CASP2: variants seen among roughly 807,000 people sequenced by gnomAD.
The protein encoded by CASP2 is caspase-2.
Under a neutral mutation model 54.4 loss-of-function variants are expected in CASP2, and 38 were observed. The ratio of observed to expected loss-of-function variants is 0.70; its 90% CI spans 0.54 to 0.92. The LOEUF is 0.92. Ranked by LOEUF, CASP2 falls within the 40% of genes least tolerant of loss-of-function variation. The pLI is 0.00. For synonymous variants in CASP2, 215 were observed against 216.3 expected (o/e 0.99, Z 0.05); for missense variants, 512 against 579.6 (o/e 0.88, Z 1.20).
Position 143,304,759 on chromosome 7 carries a change from G to C in CASP2, c.1203G>C (p.Met401Ile). The change falls in exon 10 of 11, where the codon ATG becomes ATC. Residue 401 changes from methionine (M) to isoleucine (I), a missense_variant. Coordinates refer to ENST00000310447, the MANE Select transcript of CASP2 (RefSeq NM_032982.4). The part of the protein sequence containing the change: ...AQVFSERACD[M>I]HVADMLVKVN... The stretch of plus-strand genomic sequence containing the variant: ...TGTTTTCTGAGCGGGCTTGTGATAT[G>C]CACGTGGCCGACATGCTGGTTAAGG... 1 of 1,614,176 alleles carries C rather than the reference G, an allele frequency of 6.2e-7. No homozygotes were observed. Among genetic ancestry groups the C allele is most frequent in the Non-Finnish European group, 8.5e-7 (1 of 1,180,004 alleles).
rs765307228 is a variant in CASP2 at position 143,292,690 on chromosome 7, T to G, written c.467T>G (p.Leu156Arg). The G allele has an allele frequency of 6.2e-7, 1 of 1,612,194 alleles. No individual in the cohort carries two copies. The highest frequency in any genetic ancestry group is 8.5e-7 in the Non-Finnish European group (1 of 1,179,720). The change falls in exon 4 of 11, where the codon CTG (leucine) becomes CGG (arginine). Residue 156 changes from leucine (L) to arginine (R), a missense_variant. Leu to Arg is a moderately radical substitution (Grantham distance 102). Transcript: ENST00000310447. Reference sequence around the variant, plus strand: ...TGTCCCCTTTACAAGAAGCTCCGCCTGTCGACAGGTGAGAATTGATGGACT... The same window carrying G: ...TGTCCCCTTTACAAGAAGCTCCGCCGGTCGACAGGTGAGAATTGATGGACT... The part of the protein sequence containing the change: ...ESCPLYKKLR[L>R]STDTVEHSLD...
At position 143,294,314 on chromosome 7, in the gene CASP2, A is replaced by C; in HGVS notation, c.560A>C (p.His187Pro). The C allele has an allele frequency of 6.2e-7, 1 of 1,606,282 alleles. No individual in the cohort carries two copies. The highest frequency in any genetic ancestry group is 8.5e-7 in the Non-Finnish European group (1 of 1,172,990). ...KPCTPEFYQT[H>P]FQLAYRLQSR... ...TGCACTCCTGAATTTTATCAAACACACTTCCAGCTGGTGAGTTTTTGCATA... is the reference window on the plus strand; with the variant it reads ...TGCACTCCTGAATTTTATCAAACACCCTTCCAGCTGGTGAGTTTTTGCATA... Residue 187 changes from histidine to proline, a missense_variant, in exon 5 of 11, where the codon CAC (histidine) becomes CCC (proline). By Grantham distance (77) the His-to-Pro change is moderately conservative. Coordinates refer to ENST00000310447, the MANE Select transcript of CASP2 (RefSeq NM_032982.4).
chr7:143,292,564 T>G, intron 3 of CASP2, 53 bp from the exon 4 acceptor site: 1 of 1,605,862 alleles, frequency 6.2e-7, no homozygotes, highest in South Asian at 1.1e-5. Flanking sequence ...TTGTTGTATT[T>G]GGACCGGACC....
Position 143,288,399 on chromosome 7 carries a change from C to T in CASP2, c.-57C>T, listed in dbSNP as rs912310388. On this transcript the variant is annotated 5_prime_UTR_variant, in exon 1 of 11. Coordinates refer to ENST00000310447, the MANE Select transcript of CASP2 (RefSeq NM_032982.4). ...GGAGGGATGTGGGGGAAGCGACGGC[C>T]CCCGGTTTGTTTGGGCTGTGGGCGG... 1.7e-5 allele frequency: 27 copies of T among 1,558,848 alleles called. No individual in the cohort carries two copies. Among genetic ancestry groups the T allele is most frequent in the East Asian group, 4.5e-5 (2 of 44,336 alleles).
Position 143,303,587 on chromosome 7 carries a change from C to T in CASP2, c.968-197C>T, listed in dbSNP as rs999374710. The T allele has an allele frequency of 7.7e-6, 4 of 522,070 alleles. No individual in the cohort carries two copies. The Admixed American group carries it at 1.3e-4, about 16-fold the overall frequency. The allele number at this position is 522,070 out of a possible 1,614,324, so 32.3% of individuals were successfully genotyped here. On this transcript the variant is annotated intron_variant, in intron 8 of 10. Coordinates refer to ENST00000310447, the MANE Select transcript of CASP2 (RefSeq NM_032982.4). ...TGGTGCCCGGTGTGTATGAGGCATC[C>T]CCTGAGTAACAGATGCATGCTGAGA...
intron 4 of CASP2, chr7:143,293,114 GT>G (rs11287848): frequency 0.31 from 166,652 of 546,362 alleles, 8,453 homozygotes; most frequent in African/African-American, 0.55. Flanking sequence ...CCTTTTTTTT[GT>G]TTTTTTTTTT....
In CASP2 at chr7:143,288,397, GC is replaced by G. The variant is rs1699576477; in HGVS notation, c.-54del. ...GGGGAGGGATGTGGGGGAAGCGACG[GC>G]CCCCGGTTTGTTTGGGCTGTGGGCG... On this transcript the variant is annotated 5_prime_UTR_variant, in exon 1 of 11. Transcript: ENST00000310447. The G allele has an allele frequency of 1.3e-6, 2 of 1,547,734 alleles. No homozygotes were observed. The highest frequency in any genetic ancestry group is 1.8e-6 in the Non-Finnish European group (2 of 1,125,250).
intron 4 of CASP2, among the ~76,000 whole-genome samples, chr7:143,293,910 A>G (rs536627900): frequency 6.6e-6 from 1 of 152,324 alleles, no homozygotes; most frequent in African/African-American, 2.4e-5. Context: ...GGCCTCTAAA[A>G]AGCTGAATAA....
intron 10 of CASP2, 55 bp downstream of exon 10, chr7:143,304,838 C>T (rs1187115422): frequency 6.2e-7 from 1 of 1,605,952 alleles, no homozygotes; most frequent in South Asian, 1.1e-5. Flanking sequence ...CTACTTTCCT[C>T]CTCTCTTGAA....
intron 4 of CASP2, chr7:143,293,143 T>C (rs1801635440): frequency 3.0e-6 from 2 of 663,276 alleles, no homozygotes; most frequent in Non-Finnish European, 5.3e-6. Context: ...GTGTTTTTTT[T>C]CAGAAATAGG....
chr7:143,304,937 C>T lies in CASP2; in HGVS notation c.1228-3C>T, dbSNP rs1017292975. ...CTTGGGCCTATTGGTTCTGCCCCTC[C>T]AGGTGAACGCACTTATCAAGGATCG... On this transcript the variant is annotated splice_polypyrimidine_tract_variant and splice_region_variant and intron_variant, in intron 10 of 10. Coordinates refer to ENST00000310447, the MANE Select transcript of CASP2 (RefSeq NM_032982.4). 3.7e-6 allele frequency: 6 copies of T among 1,614,222 alleles called. No homozygotes were observed. The highest frequency in any genetic ancestry group is 5.1e-6 in the Non-Finnish European group (6 of 1,180,036).
intron 2 of CASP2, 121 bp downstream of exon 2, chr7:143,291,811 C>G: frequency 3.0e-6 from 2 of 659,382 alleles, no homozygotes; most frequent in South Asian, 1.7e-5. Context: ...GAGACAGAGT[C>G]TCTGTCTCCC....
At chr7:143,292,594 T>C in intron 3 of CASP2, 23 bp from the exon 4 acceptor site, 2 of 1,612,254 alleles carry the variant, frequency 1.2e-6, no homozygotes, top group Admixed American at 1.7e-5. Context: ...AGGTCTGTCA[T>C]CATGAGTTTT....
chr7:143,301,279 C>T (rs915422735), intron 8 of CASP2: 1 of 151,862 alleles, frequency 6.6e-6, no homozygotes, highest in African/African-American at 2.4e-5. Context: ...CTTTTTTAAT[C>T]TCTCATGTGG....
intron 4 of CASP2, chr7:143,293,121 TTTTTTTTTGTTGTG>T: frequency 1.5e-6 from 1 of 650,380 alleles, no homozygotes. Flanking sequence ...TTTGTTTTTT[TTTTTTTTTGTTGTG>T]TTTTTTTTCA....
At chr7:143,298,088 G>T (rs1343591386) in intron 6 of CASP2, among the ~76,000 whole-genome samples, 1 of 152,170 alleles carries the variant, frequency 6.6e-6, no homozygotes. Flanking sequence ...CAGTGTCCTG[G>T]AGGGCTTGTT....
In CASP2 at chr7:143,305,461, C is replaced by CT. The variant is rs759662898; in HGVS notation, c.*391dup. ...GCTTTTATTACATTAGTTAAGATGTCTGAGAGACCATCTCCTATCTTTTAT... is the reference window on the plus strand; with the variant it reads ...GCTTTTATTACATTAGTTAAGATGTCTTGAGAGACCATCTCCTATCTTTTAT... On this transcript the variant is annotated 3_prime_UTR_variant, in exon 11 of 11. Transcript: ENST00000310447. 5 of 329,058 alleles carry CT rather than the reference C, an allele frequency of 1.5e-5. No individual in the cohort carries two copies. The highest frequency in any genetic ancestry group is 2.4e-5 in the Non-Finnish European group (4 of 169,342). The allele number at this position is 329,058 out of a possible 1,614,324, so 20.4% of individuals were successfully genotyped here.
At chr7:143,304,647 CTG>C (rs1291560309) in intron 9 of CASP2, 25 bp from the exon 10 acceptor site, 1 of 1,544,636 alleles carries the variant, frequency 6.5e-7, no homozygotes, top group Non-Finnish European at 9.0e-7. Context: ...GGCATTCACA[CTG>C]TGATTAATGC....
Position 143,303,770 on chromosome 7 carries a change from T to C in CASP2, c.968-14T>C, listed in dbSNP as rs376198047. 1.2e-6 allele frequency: 2 copies of C among 1,613,182 alleles called. No individual in the cohort carries two copies. ...AAGTAACATCATTGTCCATTCTGTC[T>C]GCCTTTGTTACAGATGAGACTGATC... is the stretch of plus-strand genomic sequence containing the variant. On this transcript the variant is annotated splice_polypyrimidine_tract_variant and intron_variant, in intron 8 of 10. Coordinates refer to ENST00000310447, the MANE Select transcript of CASP2 (RefSeq NM_032982.4).
Sources: allele counts gnomAD v4.1 joint callset (sites outside exome capture counted in the v4.1 genomes callset), GRCh38; gene constraint gnomAD v4.1.1; transcripts MANE v1.5; gene names NCBI Gene and HGNC (gene_info 2026-07-23, HGNC 2026-07-21).